The following TMEM131 variants were observed in gnomAD, a reference collection of about 807,000 sequenced individuals.
TMEM131 encodes the protein transmembrane protein 131.
A neutral mutation model predicts 211.6 loss-of-function variants in TMEM131; 66 were observed. The ratio of observed to expected loss-of-function variants is 0.31; its 90% CI spans 0.26 to 0.38. The LOEUF is 0.38. Ranked by LOEUF, TMEM131 falls within the 10% of genes least tolerant of loss-of-function variation. TMEM131 has a pLI of 1.00. For missense variants in TMEM131, 2,036 were observed against 2,299.3 expected, an observed-to-expected ratio of 0.89 and a Z score of 2.34; for synonymous variants, 844 against 841.3, an observed-to-expected ratio of 1.00 and a Z score of -0.06.
chr2:97,788,990 G>A (rs943103983), intron 31 of TMEM131, among the ~76,000 whole-genome samples: 5 of 152,070 alleles, frequency 3.3e-5, no homozygotes, highest in Non-Finnish European at 7.4e-5. Flanking sequence ...ATTAAATAGG[G>A]AAAATACAGG....
intron 11 of TMEM131, among the ~76,000 whole-genome samples, chr2:97,831,091 G>T (rs1244569318): frequency 6.6e-6 from 1 of 152,150 alleles, no homozygotes; most frequent in Non-Finnish European, 1.5e-5. Flanking sequence ...TGATAAGGTG[G>T]GAAATCTAAG....
intron 5 of TMEM131, among the ~76,000 whole-genome samples, chr2:97,850,417 AT>A (rs969312444): frequency 2.6e-5 from 4 of 152,102 alleles, no homozygotes; most frequent in Non-Finnish European, 5.9e-5. Flanking sequence ...GTCTGAATAC[AT>A]ACCAGTGGTC....
At chr2:97,841,123 A>C (rs1221742917) in intron 7 of TMEM131, among the ~76,000 whole-genome samples, 1 of 152,200 alleles carries the variant, frequency 6.6e-6, no homozygotes, top group African/African-American at 2.4e-5. Flanking sequence ...AAGCATTCAC[A>C]TCTACTTTTA....
At chr2:97,951,302 ATTC>A (rs1415288368) in intron 1 of TMEM131, among the ~76,000 whole-genome samples, 9 of 152,210 alleles carry the variant, frequency 5.9e-5, no homozygotes, top group Non-Finnish European at 1.2e-4. Flanking sequence ...TGTCTGCTTC[ATTC>A]TTCTAGCTCT....
intron 1 of TMEM131, among the ~76,000 whole-genome samples, chr2:97,930,539 T>C (rs1262902280): frequency 6.6e-6 from 1 of 151,830 alleles, no homozygotes; most frequent in Non-Finnish European, 1.5e-5. Context: ...ATGTTACACA[T>C]CACTGGCTTT....
At chr2:97,899,695 T>C (rs1267068577) in intron 3 of TMEM131, among the ~76,000 whole-genome samples, 2 of 152,138 alleles carry the variant, frequency 1.3e-5, no homozygotes, top group African/African-American at 4.8e-5. Flanking sequence ...ATGTCAGCAT[T>C]TACTTTTGAC....
Position 97,792,359 on chromosome 2 carries a change from G to A in TMEM131, c.4144+27C>T, listed in dbSNP as rs376819471. ...CACTGGCTTTTCCCTCACACATCAC[G>A]GATCTCCGGCAGTGGGAGATGATTA... On this transcript the variant is annotated intron_variant, in intron 31 of 40. Coordinates refer to ENST00000186436, the MANE Select transcript of TMEM131 (RefSeq NM_015348.2). 110 of 1,518,240 alleles carry A rather than the reference G, an allele frequency of 7.2e-5. No homozygotes were observed. The African/African-American group carries it at 1.1e-3, about 15-fold the overall frequency. The allele number at this position is 1,518,240 out of a possible 1,614,324, so 94.0% of individuals were successfully genotyped here. A position where few individuals can be genotyped will look rare whatever the true frequency, so the allele number is the denominator to read the frequency against.
Position 97,756,758 on chromosome 2 carries a change from G to A in TMEM131, c.*341C>T, listed in dbSNP as rs1282214003. Reference sequence around the variant, plus strand: ...ATCAACTCAAATTATTTCCTTAGCTGTAATGTCAAATCTGTGTTCATACAG... The same window carrying A: ...ATCAACTCAAATTATTTCCTTAGCTATAATGTCAAATCTGTGTTCATACAG... On this transcript the variant is annotated 3_prime_UTR_variant, in exon 41 of 41. Transcript: ENST00000186436. 5.6e-6 allele frequency: 1 copy of A among 177,414 alleles called. No individual in the cohort carries two copies. The highest frequency in any genetic ancestry group is 1.5e-4 in the East Asian group (1 of 6,798). The allele number at this position is 177,414 out of a possible 1,614,324, so 11.0% of individuals were successfully genotyped here.
intron 1 of TMEM131, among the ~76,000 whole-genome samples, chr2:97,932,180 C>G (rs1270270675): frequency 1.3e-5 from 2 of 149,922 alleles, no homozygotes; most frequent in Non-Finnish European, 3.0e-5. Flanking sequence ...TTTTAGAATT[C>G]AACATTGTTA....
intron 3 of TMEM131, 81 bp downstream of exon 3, chr2:97,908,564 CACCAAAATGAGCA>C: frequency 1.1e-6 from 1 of 898,968 alleles, no homozygotes; most frequent in East Asian, 2.6e-5. Context: ...ATTCCTTCTT[CACCAAAATGAGCA>C]AGGGGAAAGA....
chr2:97,783,763 G>A (rs1439468679), intron 31 of TMEM131, among the ~76,000 whole-genome samples: 1 of 151,796 alleles, frequency 6.6e-6, no homozygotes, highest in Non-Finnish European at 1.5e-5. Flanking sequence ...ATATCAATAA[G>A]CACATTAAAA....
chr2:97,796,856 C>A lies in TMEM131; in HGVS notation c.3001G>T (p.Asp1001Tyr). 1 of 1,613,740 alleles carries A rather than the reference C, an allele frequency of 6.2e-7. No individual in the cohort carries two copies. The highest frequency in any genetic ancestry group is 8.5e-7 in the Non-Finnish European group (1 of 1,179,754). ...TAGGAAGACTTACTATCTGTACAAT[C>A]TTTTAACAATGCTTCCGTGATTTTA... is the stretch of plus-strand genomic sequence containing the variant. ...RFKITEALLK[D>Y]CTDSLKLREP... Residue 1001 changes from aspartate to tyrosine, a missense_variant, in exon 27 of 41, where the codon GAT (aspartate) becomes TAT (tyrosine). By Grantham distance (160) the Asp-to-Tyr change is radical. Transcript: ENST00000186436.
intron 4 of TMEM131, 96 bp from the exon 5 acceptor site, chr2:97,859,523 A>G: frequency 1.0e-6 from 1 of 964,084 alleles, no homozygotes; most frequent in Non-Finnish European, 1.5e-6. Flanking sequence ...AGACAAATAC[A>G]TAGCTAAATA....
chr2:97,952,235 AG>A (rs1165231011), intron 1 of TMEM131, among the ~76,000 whole-genome samples: 5 of 152,086 alleles, frequency 3.3e-5, no homozygotes, highest in African/African-American at 1.2e-4. Flanking sequence ...ACAAAGCCTC[AG>A]GGACCTCCAG....
intron 4 of TMEM131, among the ~76,000 whole-genome samples, chr2:97,883,033 T>C (rs1167775234): frequency 6.6e-6 from 1 of 152,196 alleles, no homozygotes; most frequent in Non-Finnish European, 1.5e-5. Flanking sequence ...GCCTTCTTTC[T>C]GGGTCACAGG....
intron 7 of TMEM131, among the ~76,000 whole-genome samples, chr2:97,840,437 G>A (rs762973718): frequency 2.0e-5 from 3 of 152,184 alleles, no homozygotes; most frequent in Non-Finnish European, 4.4e-5. Context: ...GTCTAACGGA[G>A]TAAGAGGCCA....
intron 5 of TMEM131, among the ~76,000 whole-genome samples, chr2:97,844,720 G>C (rs1485838914): frequency 6.6e-6 from 1 of 152,156 alleles, no homozygotes; most frequent in Non-Finnish European, 1.5e-5. Context: ...AACTTAAATA[G>C]GAAAGAAGGC....
At chr2:97,944,432 C>G (rs1677939297) in intron 1 of TMEM131, among the ~76,000 whole-genome samples, 1 of 152,140 alleles carries the variant, frequency 6.6e-6, no homozygotes, top group African/African-American at 2.4e-5. Flanking sequence ...GGTTTCTTAA[C>G]TAGAATAGGT....
At chr2:97,941,418 C>G (rs371541498) in intron 1 of TMEM131, among the ~76,000 whole-genome samples, 6 of 152,174 alleles carry the variant, frequency 3.9e-5, no homozygotes, top group East Asian at 1.9e-4. Flanking sequence ...GCATGGGCAA[C>G]GACTTCATGA....
Sources: gnomAD v4.1 joint callset for allele counts (sites outside exome capture counted in the v4.1 genomes callset) on GRCh38, gnomAD v4.1.1 for gene constraint, MANE v1.5 for transcripts, NCBI Gene and HGNC (gene_info 2026-07-23, HGNC 2026-07-21) for gene names.